FRAS1: variants seen among roughly 807,000 people sequenced by gnomAD.
FRAS1 encodes the protein Fraser extracellular matrix complex subunit 1.
A neutral mutation model predicts 435.2 loss-of-function variants in FRAS1; 290 were observed. That is an observed-to-expected ratio of 0.67 (90% CI 0.61 to 0.73). FRAS1 has a LOEUF of 0.73. FRAS1 is among the 30% of genes least tolerant of loss of function. The pLI is 0.00. For missense variants in FRAS1, 4,860 were observed against 5,001.5 expected (o/e 0.97, Z 0.85); for synonymous variants, 1,800 against 1,851.0 (o/e 0.97, Z 0.71).
intron 46 of FRAS1, 106 bp downstream of exon 46, chr4:78,451,997 C>T (rs1719041093): frequency 7.6e-7 from 1 of 1,322,070 alleles, no homozygotes; most frequent in South Asian, 1.5e-5. Context: ...CTTTACCTAG[C>T]TGGTGTGGAA....
intron 12 of FRAS1, among the ~76,000 whole-genome samples, 176 bp from the exon 13 acceptor site, chr4:78,284,229 A>ATTTTTTTTTTTTTTTTTTT (rs11453256): frequency 1.2e-5 from 1 of 80,818 alleles, no homozygotes; most frequent in Non-Finnish European, 2.4e-5. Flanking sequence ...ATTGGAATGT[A>ATTTTTTTTTTTTTTTTTTT]TTTTTTTTTT....
At chr4:78,281,510 G>A (rs1727331565) in intron 11 of FRAS1, 77 bp downstream of exon 11, 8 of 866,522 alleles carry the variant, frequency 9.2e-6, no homozygotes, top group Non-Finnish European at 1.2e-5. Flanking sequence ...AATATCATGG[G>A]GAAACTTAGG....
In FRAS1 at chr4:78,543,532, G is replaced by A. The variant is rs919094172; in HGVS notation, c.*2408G>A. The A allele has an allele frequency of 2.6e-5, 4 of 152,216 alleles. No individual in the cohort carries two copies. The highest frequency in any genetic ancestry group is 5.9e-5 in the Non-Finnish European group (4 of 68,040). 9.4% of individuals were successfully genotyped at this position (152,216 alleles called of 1,614,324 possible). ...TCTGAAATGACAAGGGCAAGAGTGA[G>A]ATAGGAAACTGTGTGTGAAAGGAAA... On this transcript the variant is annotated 3_prime_UTR_variant, in exon 74 of 74. Coordinates refer to ENST00000512123, the MANE Select transcript of FRAS1 (RefSeq NM_025074.7).
chr4:78,298,114 G>A (rs1158574761), intron 14 of FRAS1, among the ~76,000 whole-genome samples: 2 of 144,738 alleles, frequency 1.4e-5, no homozygotes, highest in South Asian at 2.1e-4. Flanking sequence ...TAAGGTATGT[G>A]TATATATATT....
chr4:78,283,894 T>G (rs141603768), intron 12 of FRAS1, among the ~76,000 whole-genome samples: 1 of 152,274 alleles, frequency 6.6e-6, no homozygotes, highest in Non-Finnish European at 1.5e-5. Flanking sequence ...TACCACTAAA[T>G]TCAGTGATAA....
chr4:78,323,894 T>C (rs1402139085), intron 18 of FRAS1, among the ~76,000 whole-genome samples: 1 of 152,140 alleles, frequency 6.6e-6, no homozygotes, highest in African/African-American at 2.4e-5. Context: ...TTATTTGAGG[T>C]CCCTCTAGAA....
intron 2 of FRAS1, among the ~76,000 whole-genome samples, chr4:78,136,373 G>A (rs1228441905): frequency 3.3e-5 from 5 of 152,142 alleles, no homozygotes; most frequent in Admixed American, 2.0e-4. Context: ...GTCCATCAAT[G>A]ACCGTGAAAG....
intron 2 of FRAS1, among the ~76,000 whole-genome samples, chr4:78,174,371 C>T (rs970651028): frequency 6.6e-6 from 1 of 152,114 alleles, no homozygotes; most frequent in Non-Finnish European, 1.5e-5. Flanking sequence ...ACTTGAATGC[C>T]ATTTGAATAT....
intron 2 of FRAS1, chr4:78,068,658 T>G (rs1740178464): frequency 2.2e-6 from 1 of 454,602 alleles, no homozygotes; most frequent in Admixed American, 2.4e-5. Context: ...CCAGGGAAAC[T>G]ATATTAAATA....
chr4:78,270,053 G>A (rs1016639439), intron 9 of FRAS1, among the ~76,000 whole-genome samples: 9 of 152,174 alleles, frequency 5.9e-5, no homozygotes, highest in Non-Finnish European at 1.2e-4. Flanking sequence ...CTATGCAACA[G>A]AATCCTCTTA....
At chr4:78,099,704 G>T (rs1184767987) in intron 2 of FRAS1, among the ~76,000 whole-genome samples, 1 of 152,168 alleles carries the variant, frequency 6.6e-6, no homozygotes, top group Non-Finnish European at 1.5e-5. Flanking sequence ...CACACCCAGG[G>T]AGTGTGGTTC....
intron 56 of FRAS1, among the ~76,000 whole-genome samples, chr4:78,480,015 T>C (rs892317854): frequency 1.7e-4 from 26 of 152,242 alleles, no homozygotes; most frequent in African/African-American, 6.3e-4. Context: ...TAATATATAA[T>C]AATCACATCA....
At chr4:78,429,278 GCTGCCC>G in intron 36 of FRAS1, 52 bp downstream of exon 36, 2 of 1,557,402 alleles carry the variant, frequency 1.3e-6, no homozygotes, top group Non-Finnish European at 1.7e-6. Context: ...GGATCATATT[GCTGCCC>G]CTCTTCAAAC....
chr4:78,255,129 T>A, intron 5 of FRAS1, 113 bp from the exon 6 acceptor site: 1 of 972,794 alleles, frequency 1.0e-6, no homozygotes, highest in Non-Finnish European at 1.6e-6. Context: ...ATGCAGGACC[T>A]CCTTCTGTGC....
chr4:78,464,831 G>A (rs1184739125), intron 49 of FRAS1, among the ~76,000 whole-genome samples: 1 of 152,196 alleles, frequency 6.6e-6, no homozygotes, highest in Non-Finnish European at 1.5e-5. Flanking sequence ...TTGAGTACAT[G>A]TAACAATACT....
intron 40 of FRAS1, among the ~76,000 whole-genome samples, 170 bp from the exon 41 acceptor site, chr4:78,440,992 C>G (rs1734635507): frequency 6.6e-6 from 1 of 152,206 alleles, no homozygotes. Flanking sequence ...GAAAGATTGC[C>G]TGGCTTCAGC....
At chr4:78,215,695 G>A (rs1364767785) in intron 2 of FRAS1, among the ~76,000 whole-genome samples, 5 of 152,220 alleles carry the variant, frequency 3.3e-5, no homozygotes, top group East Asian at 3.9e-4. Flanking sequence ...CATATAAGTG[G>A]AACCATACAG....
chr4:78,117,100 G>A (rs951295153), intron 2 of FRAS1, among the ~76,000 whole-genome samples: 1 of 152,140 alleles, frequency 6.6e-6, no homozygotes, highest in Non-Finnish European at 1.5e-5. Context: ...AGCTTAGTTT[G>A]TCTGGATTTG....
chr4:78,396,533 A>C (rs1347701710), intron 29 of FRAS1, among the ~76,000 whole-genome samples: 5 of 152,112 alleles, frequency 3.3e-5, no homozygotes, highest in African/African-American at 1.2e-4. Flanking sequence ...TTTTTCTCTA[A>C]GTGTTTCGAA....
Sources: allele counts gnomAD v4.1 joint callset (sites outside exome capture counted in the v4.1 genomes callset), GRCh38; gene constraint gnomAD v4.1.1; transcripts MANE v1.5; gene names NCBI Gene and HGNC (gene_info 2026-07-23, HGNC 2026-07-21).